ATF6: variants seen among roughly 807,000 people sequenced by gnomAD.
The protein encoded by ATF6 is activating transcription factor 6.
A neutral mutation model predicts 83.6 loss-of-function variants in ATF6; 53 were observed. The observed-to-expected ratio is 0.63, with a 90% confidence interval of 0.51 to 0.80. The LOEUF is 0.80. ATF6 is among the 30% of genes least tolerant of loss of function. ATF6 has a pLI of 0.00. For missense variants in ATF6, 744 were observed against 797.9 expected, an observed-to-expected ratio of 0.93 and a Z score of 0.81; for synonymous variants, 288 against 285.8, an observed-to-expected ratio of 1.01 and a Z score of -0.08.
At chr1:161,879,416 A>T (rs1458237826) in intron 14 of ATF6, among the ~76,000 whole-genome samples, 3 of 152,056 alleles carry the variant, frequency 2.0e-5, no homozygotes, top group Non-Finnish European at 4.4e-5. Flanking sequence ...GTTACAGTTG[A>T]TTAATAAGAC....
chr1:161,773,571 C>T (rs1333874838), intron 1 of ATF6, among the ~76,000 whole-genome samples: 2 of 152,108 alleles, frequency 1.3e-5, no homozygotes, highest in Non-Finnish European at 2.9e-5. Context: ...TGGCCTGAAA[C>T]TGCTGTTTTT....
chr1:161,805,527 A>G (rs1251557289), intron 7 of ATF6, among the ~76,000 whole-genome samples: 1 of 151,942 alleles, frequency 6.6e-6, no homozygotes, highest in Non-Finnish European at 1.5e-5. Context: ...TATTTCAAGT[A>G]AAGAAGCATT....
At chr1:161,943,393 C>T (rs1354673476) in intron 15 of ATF6, among the ~76,000 whole-genome samples, 2 of 152,190 alleles carry the variant, frequency 1.3e-5, no homozygotes, top group African/African-American at 4.8e-5. Context: ...CCTGAGGCCT[C>T]CCCAGCAATG....
intron 14 of ATF6, among the ~76,000 whole-genome samples, chr1:161,872,456 A>T (rs572518347): frequency 6.6e-6 from 1 of 151,624 alleles, no homozygotes; most frequent in Non-Finnish European, 1.5e-5. Context: ...CCCTGTGGAA[A>T]ACCAAGCCAC....
At chr1:161,953,189 T>C (rs1189851057) in intron 15 of ATF6, among the ~76,000 whole-genome samples, 4 of 152,202 alleles carry the variant, frequency 2.6e-5, no homozygotes, top group African/African-American at 9.6e-5. Flanking sequence ...TATATTTAAA[T>C]TTAAAACAGT....
chr1:161,897,970 A>G (rs1453241839), intron 14 of ATF6, among the ~76,000 whole-genome samples: 1 of 152,208 alleles, frequency 6.6e-6, no homozygotes, highest in Non-Finnish European at 1.5e-5. Context: ...TTTCTAAGGT[A>G]ACTGAGATGA....
chr1:161,829,317 T>C (rs1181827968), intron 9 of ATF6, among the ~76,000 whole-genome samples: 2 of 151,140 alleles, frequency 1.3e-5, no homozygotes, highest in Non-Finnish European at 2.9e-5. Flanking sequence ...TGGGAGACTT[T>C]AACACCCCAC....
Position 161,781,979 on chromosome 1 carries a change from T to A in ATF6, c.227T>A (p.Ile76Asn). 1 of 1,609,032 alleles carries A rather than the reference T, an allele frequency of 6.2e-7. No individual in the cohort carries two copies. Among genetic ancestry groups the A allele is most frequent in the Non-Finnish European group, 8.5e-7 (1 of 1,176,674 alleles). Residue 76 changes from isoleucine to asparagine, a missense_variant, in exon 3 of 16, where the codon ATC (isoleucine) becomes AAC (asparagine). Coordinates refer to ENST00000367942, the MANE Select transcript of ATF6 (RefSeq NM_007348.4). Reference sequence around the variant, plus strand: ...CCTTGGGAGTCAGACATTTGGGACATCAACAACCAAATCTGTACAGGTAAT... The same window carrying A: ...CCTTGGGAGTCAGACATTTGGGACAACAACAACCAAATCTGTACAGGTAAT... ...LMPWESDIWD[I>N]NNQICTVKDI...
chr1:161,789,737 A>T (rs937843582), intron 4 of ATF6, among the ~76,000 whole-genome samples: 5 of 152,112 alleles, frequency 3.3e-5, no homozygotes, highest in Non-Finnish European at 5.9e-5. Flanking sequence ...TATTCCTCGG[A>T]TCCTTGTTTT....
At chr1:161,839,578 G>C (rs1305769740) in intron 9 of ATF6, among the ~76,000 whole-genome samples, 1 of 152,112 alleles carries the variant, frequency 6.6e-6, no homozygotes, top group East Asian at 1.9e-4. Context: ...TCACTGTGTT[G>C]CCCAGGCTGG....
chr1:161,915,536 C>A (rs1688078479), intron 15 of ATF6, among the ~76,000 whole-genome samples: 1 of 152,166 alleles, frequency 6.6e-6, no homozygotes, highest in South Asian at 2.1e-4. Context: ...TCTCACAGTG[C>A]TCAAAGACTT....
At chr1:161,896,154 C>G (rs570817329) in intron 14 of ATF6, among the ~76,000 whole-genome samples, 2 of 152,322 alleles carry the variant, frequency 1.3e-5, no homozygotes, top group South Asian at 4.1e-4. Flanking sequence ...GTCGCCCAGG[C>G]TGGAGTGCAG....
intron 14 of ATF6, among the ~76,000 whole-genome samples, chr1:161,888,873 A>G (rs531679909): frequency 5.8e-4 from 89 of 152,238 alleles, no homozygotes; most frequent in African/African-American, 2.1e-3. Flanking sequence ...GAGCTGGTCC[A>G]TACCTCTCCT....
intron 15 of ATF6, among the ~76,000 whole-genome samples, chr1:161,924,192 T>C (rs149474607): frequency 8.1e-4 from 123 of 152,264 alleles, no homozygotes; most frequent in African/African-American, 2.8e-3. Flanking sequence ...ACTGGAAACA[T>C]TGGGGATCAT....
chr1:161,950,834 T>C (rs987384990), intron 15 of ATF6, among the ~76,000 whole-genome samples: 1 of 152,236 alleles, frequency 6.6e-6, no homozygotes, highest in Non-Finnish European at 1.5e-5. Context: ...GAAACTCTAT[T>C]TGAAGAAAAT....
intron 9 of ATF6, among the ~76,000 whole-genome samples, chr1:161,832,690 C>G (rs962297083): frequency 6.6e-6 from 1 of 152,186 alleles, no homozygotes; most frequent in Non-Finnish European, 1.5e-5. Context: ...AACTGCAAGG[C>G]GGCAGCGAGG....
At chr1:161,837,659 A>G (rs1387148749) in intron 9 of ATF6, among the ~76,000 whole-genome samples, 1 of 151,836 alleles carries the variant, frequency 6.6e-6, no homozygotes. Context: ...TGAGAGATAA[A>G]TGGAAATAAG....
rs775935918 is a variant in ATF6 at position 161,802,048 on chromosome 1, G to A, written c.689-4G>A. On this transcript the variant is annotated splice_polypyrimidine_tract_variant and splice_region_variant and intron_variant, in intron 6 of 15. Transcript: ENST00000367942. ...TTTGATTCCTTTTCTTTTTTCTAAC[G>A]CAGGCCAGACGGTTTTGCTGTCTCA... The A allele has an allele frequency of 5.0e-6, 8 of 1,613,436 alleles. No homozygotes were observed. Among genetic ancestry groups the A allele is most frequent in the Admixed American group, 3.3e-5 (2 of 59,906 alleles).
At chr1:161,818,589 G>A (rs182195530) in intron 7 of ATF6, among the ~76,000 whole-genome samples, 1 of 152,264 alleles carries the variant, frequency 6.6e-6, no homozygotes, top group East Asian at 1.9e-4. Context: ...TAAAAAATCA[G>A]GGTGGGTTAG....
Sources: allele counts gnomAD v4.1 joint callset (sites outside exome capture counted in the v4.1 genomes callset), GRCh38; gene constraint gnomAD v4.1.1; transcripts MANE v1.5; gene names NCBI Gene and HGNC (gene_info 2026-07-23, HGNC 2026-07-21).